QTRT1: variants seen among roughly 807,000 people sequenced by gnomAD.
QTRT1 encodes queuine tRNA-ribosyltransferase catalytic subunit 1, also known as TGT, 43-KD subunit.
QTRT1 carries 41 observed loss-of-function variants against 44.0 expected under a neutral mutation model. That is an observed-to-expected ratio of 0.93 (90% CI 0.73 to 1.21). The LOEUF (loss-of-function observed/expected upper bound fraction) is 1.21, where lower values mean the gene tolerates loss of function less well. QTRT1 is among the 50% of genes most tolerant of loss of function. The pLI is 0.00. For synonymous variants in QTRT1, 226 were observed against 237.1 expected (o/e 0.95, Z 0.43); for missense variants, 542 against 575.8 (o/e 0.94, Z 0.60).
At chr19:10,708,098 G>T (rs1305527708) in intron 5 of QTRT1, among the ~76,000 whole-genome samples, 1 of 151,852 alleles carries the variant, frequency 6.6e-6, no homozygotes, top group Admixed American at 6.6e-5. Flanking sequence ...CTGAGTAGCT[G>T]GGACTACAGG....
intron 3 of QTRT1, among the ~76,000 whole-genome samples, chr19:10,703,391 T>C (rs1447429966): frequency 2.6e-5 from 4 of 152,084 alleles, no homozygotes; most frequent in African/African-American, 9.7e-5. Context: ...TAAAGAACCA[T>C]GGCAACACAG....
intron 3 of QTRT1, among the ~76,000 whole-genome samples, chr19:10,703,832 T>G (rs1389712387): frequency 6.9e-6 from 1 of 145,656 alleles, no homozygotes; most frequent in Non-Finnish European, 1.5e-5. Context: ...AAGTTTATTT[T>G]TTTATGTTTA....
rs370445657 is a variant in QTRT1, at chr19:10,712,892, G to C, written c.971+25G>C. ...AGTAGGCAGGATGGCACTGGGAGCTGGGGCAGGGCATGGAGGGGACAGGGC... is the reference window on the plus strand; with the variant it reads ...AGTAGGCAGGATGGCACTGGGAGCTCGGGCAGGGCATGGAGGGGACAGGGC... On this transcript the variant is annotated intron_variant, in intron 8 of 9. Coordinates refer to ENST00000250237, the MANE Select transcript of QTRT1 (RefSeq NM_031209.3). The surrounding 1 kb of genome is among the most constrained non-coding windows in gnomAD (Gnocchi z 5.6). 8.1e-6 allele frequency: 13 copies of C among 1,612,912 alleles called. No homozygotes were observed. The highest frequency in any genetic ancestry group is 1.1e-5 in the Non-Finnish European group (13 of 1,179,308).
chr19:10,702,054 T>A (rs1288612314), intron 2 of QTRT1, 36 bp downstream of exon 2: 1 of 1,614,092 alleles, frequency 6.2e-7, no homozygotes, highest in East Asian at 2.2e-5. Context: ...CTAGGGCCCT[T>A]CTCTGGAGTG....
chr19:10,701,846 G>C lies in QTRT1; in HGVS notation c.244-104G>C. 3.8e-6 allele frequency: 6 copies of C among 1,573,632 alleles called. No individual in the cohort carries two copies. In the South Asian group the frequency reaches 4.4e-5, roughly 12 times the overall value. On this transcript the variant is annotated intron_variant, in intron 1 of 9. Transcript: ENST00000250237. ...CCCCAATGACCAGGCCTTGTACTGGGCGTGAAAGAGCAGCAGGGACTAAAG... is the reference window on the plus strand; with the variant it reads ...CCCCAATGACCAGGCCTTGTACTGGCCGTGAAAGAGCAGCAGGGACTAAAG...
In QTRT1 at chr19:10,712,026, T is replaced by C. The variant is rs564715604; in HGVS notation, c.647-135T>C. The C allele has an allele frequency of 9.0e-7, 1 of 1,105,764 alleles. No individual in the cohort carries two copies. Among genetic ancestry groups the C allele is most frequent in the African/African-American group, 1.5e-5 (1 of 65,126 alleles). 68.5% of individuals were successfully genotyped at this position (1,105,764 alleles called of 1,614,324 possible). A position where few individuals can be genotyped will look rare whatever the true frequency, so the allele number is the denominator to read the frequency against. On this transcript the variant is annotated intron_variant, in intron 5 of 9. Coordinates refer to ENST00000250237, the MANE Select transcript of QTRT1 (RefSeq NM_031209.3). This position sits in a 1 kb window ranked among gnomAD's most constrained non-coding sequence, Gnocchi z 5.6. ...CTCCGTCTCCCTCTCCGTCTCTGGC[T>C]CTGTCTGTCTGTCTCTGTCTGTTTC... is the stretch of plus-strand genomic sequence containing the variant.
intron 3 of QTRT1, 60 bp from the exon 4 acceptor site, chr19:10,707,242 G>T: frequency 1.3e-6 from 2 of 1,559,482 alleles, no homozygotes; most frequent in Non-Finnish European, 1.8e-6. Context: ...CCATGTGACG[G>T]CAGGCTTTCC....
At position 10,713,116 on chromosome 19, in the gene QTRT1, A is replaced by T. The variant is rs555733525; in HGVS notation, c.1060-2A>T. On this transcript the variant is annotated splice_acceptor_variant, in intron 9 of 9. Coordinates refer to ENST00000250237, the MANE Select transcript of QTRT1 (RefSeq NM_031209.3). LOFTEE classifies it high-confidence loss of function. This position sits in a 1 kb window ranked among gnomAD's most constrained non-coding sequence, Gnocchi z 4.3. ...CCCCACGCTGACCTCCCCTCCCCGC[A>T]GCTGCAGCTCATGAGCGCCGTCCGC... The T allele has an allele frequency of 2.5e-6, 4 of 1,609,246 alleles. No individual in the cohort carries two copies. In the South Asian group the frequency reaches 4.4e-5, roughly 18 times the overall value.
chr19:10,712,105 T>C lies in QTRT1; in HGVS notation c.647-56T>C, dbSNP rs2068741148. The C allele has an allele frequency of 6.2e-7, 1 of 1,606,358 alleles. No individual in the cohort carries two copies. The highest frequency in any genetic ancestry group is 8.5e-7 in the Non-Finnish European group (1 of 1,178,984). On this transcript the variant is annotated intron_variant, in intron 5 of 9. Transcript: ENST00000250237. The surrounding 1 kb of genome is among the most constrained non-coding windows in gnomAD (Gnocchi z 5.6). ...AGTCTGGGCAGGGTGTGTTCTGGGATTGAAGACCAGGCGCATTTCCTCTTC... is the reference window on the plus strand; with the variant it reads ...AGTCTGGGCAGGGTGTGTTCTGGGACTGAAGACCAGGCGCATTTCCTCTTC...
intron 5 of QTRT1, 86 bp downstream of exon 5, chr19:10,707,701 A>C: frequency 1.0e-6 from 1 of 987,818 alleles, no homozygotes; most frequent in South Asian, 1.6e-5. Flanking sequence ...TGGATTGCTA[A>C]TGTGTAGAAG....
In QTRT1 at chr19:10,712,772, C is replaced by T. The variant is rs2145626150; in HGVS notation, c.876C>T (p.Ala292=). 3 of 1,613,976 alleles carry T rather than the reference C, an allele frequency of 1.9e-6. No individual in the cohort carries two copies. The highest frequency in any genetic ancestry group is 1.1e-5 in the South Asian group (1 of 91,088). The change falls in exon 8 of 10, where the codon GCC becomes GCT. Residue 292 remains alanine (A), a synonymous_variant. Transcript: ENST00000250237. The surrounding 1 kb of genome is among the most constrained non-coding windows in gnomAD (Gnocchi z 5.6). ...FPTRTARFGS[A]LVPTGNLQLR... ...CTCTCCCACAGCGCTTTGGCTCTGC[C>T]CTGGTGCCCACTGGGAACCTGCAGT...
intron 5 of QTRT1, among the ~76,000 whole-genome samples, chr19:10,709,644 C>A (rs142357679): frequency 7.2e-5 from 11 of 152,136 alleles, no homozygotes; most frequent in East Asian, 3.9e-4. Context: ...GTCGGGAGAT[C>A]GAGACCAACC....
chr19:10,713,112 C>G lies in QTRT1; in HGVS notation c.1060-6C>G. ...TATGCCCCACGCTGACCTCCCCTCC[C>G]CGCAGCTGCAGCTCATGAGCGCCGT... On this transcript the variant is annotated splice_region_variant and splice_polypyrimidine_tract_variant and intron_variant, in intron 9 of 9. Coordinates refer to ENST00000250237, the MANE Select transcript of QTRT1 (RefSeq NM_031209.3). This position sits in a 1 kb window ranked among gnomAD's most constrained non-coding sequence, Gnocchi z 4.3. 2 of 1,609,008 alleles carry G rather than the reference C, an allele frequency of 1.2e-6. No homozygotes were observed. The highest frequency in any genetic ancestry group is 1.7e-6 in the Non-Finnish European group (2 of 1,179,392).
intron 5 of QTRT1, 63 bp downstream of exon 5, chr19:10,707,678 C>T (rs951352658): frequency 1.4e-5 from 17 of 1,235,710 alleles, no homozygotes; most frequent in Middle Eastern, 2.0e-4. Flanking sequence ...ATGGGCCTGG[C>T]GTATGGCGGG....
chr19:10,704,620 T>C (rs1401842613), intron 3 of QTRT1, among the ~76,000 whole-genome samples: 1 of 141,114 alleles, frequency 7.1e-6, no homozygotes, highest in Non-Finnish European at 1.5e-5. Flanking sequence ...CGAGTTTCGC[T>C]CTTGTTGCCC....
chr19:10,706,974 G>A (rs889665479), intron 3 of QTRT1: 2 of 350,584 alleles, frequency 5.7e-6, no homozygotes, highest in Non-Finnish European at 5.5e-6. Flanking sequence ...TAGTCACTGC[G>A]CCCAGTCAGC....
At position 10,707,509 on chromosome 19, in the gene QTRT1, C is replaced by A; in HGVS notation, c.540C>A (p.Arg180=). The change falls in exon 5 of 10, where the codon CGC becomes CGA. Residue 180 remains arginine (R), a synonymous_variant. Transcript: ENST00000250237. ...TGGGGCCCTGTTGCAGGTCAATCCG[C>A]TGGCTGGACCGGTGCATTGCAGCCC... The part of the protein sequence containing the change: ...RVEEAMYRSI[R]WLDRCIAAHQ... The A allele has an allele frequency of 6.2e-7, 1 of 1,611,692 alleles. No homozygotes were observed. Among genetic ancestry groups the A allele is most frequent in the Non-Finnish European group, 8.5e-7 (1 of 1,178,216 alleles).
rs757770049 is a variant in QTRT1, at chr19:10,713,138, C to T, written c.1080C>T (p.Val360=). The stretch of plus-strand genomic sequence containing the variant: ...CGCAGCTGCAGCTCATGAGCGCCGT[C>T]CGCACCAGCATCGTGGAGAAGCGCT... ...IAYQLQLMSA[V]RTSIVEKRFP... is the part of the protein sequence containing the mutation. The change falls in exon 10 of 10, where the codon GTC becomes GTT. Residue 360 remains valine, a synonymous_variant. Transcript: ENST00000250237. This position sits in a 1 kb window ranked among gnomAD's most constrained non-coding sequence, Gnocchi z 4.3. 8 of 1,609,410 alleles carry T rather than the reference C, an allele frequency of 5.0e-6. No individual in the cohort carries two copies. In the South Asian group the frequency reaches 8.8e-5, roughly 18 times the overall value.
intron 3 of QTRT1, 73 bp downstream of exon 3, chr19:10,702,327 T>C (rs2068694130): frequency 3.9e-6 from 6 of 1,546,048 alleles, no homozygotes; most frequent in Non-Finnish European, 5.3e-6. Context: ...GCCTGTTTTT[T>C]AGCTGTTGTG....
Sources: allele counts gnomAD v4.1 joint callset (sites outside exome capture counted in the v4.1 genomes callset), GRCh38; gene constraint gnomAD v4.1.1; non-coding constraint Gnocchi (gnomAD v3.1); transcripts MANE v1.5; gene names NCBI Gene and HGNC (gene_info 2026-07-23, HGNC 2026-07-21).